Variants in ANKS1B observed in about 807,000 individuals in gnomAD.
The protein encoded by ANKS1B is ankyrin repeat and sterile alpha motif domain containing 1B, also known as ankyrin repeat and sterile alpha motif domain-containing protein 1B.
Under a neutral mutation model 148.3 loss-of-function variants are expected in ANKS1B, and 36 were observed. That is an observed-to-expected ratio of 0.24 (90% CI 0.19 to 0.32). The LOEUF (loss-of-function observed/expected upper bound fraction) is 0.32, where lower values mean the gene tolerates loss of function less well. ANKS1B is among the 10% of genes least tolerant of loss of function. ANKS1B has a pLI of 1.00. For synonymous variants in ANKS1B, 542 were observed against 560.8 expected (o/e 0.97, Z 0.47); for missense variants, 1,157 against 1,542.6 (o/e 0.75, Z 4.19).
intron 8 of ANKS1B, among the ~76,000 whole-genome samples, chr12:99,743,039 A>G (rs972606441): frequency 5.3e-5 from 8 of 152,196 alleles, no homozygotes; most frequent in Non-Finnish European, 8.8e-5. Flanking sequence ...TCATGATATT[A>G]TATCAGCTAC....
chr12:99,492,528 A>G lies in ANKS1B; in HGVS notation c.1438+11948T>C, dbSNP rs139361778. Among the ~76,000 whole-genome samples, 454 of 152,172 alleles carry G rather than the reference A, an allele frequency of 3.0e-3. 3 individuals are homozygous for G. The highest frequency in any genetic ancestry group is 0.011 in the African/African-American group (444 of 41,522). On this transcript the variant is annotated intron_variant, in intron 10 of 26. Transcript: ENST00000683438. Reference sequence around the variant, plus strand: ...AACTATTTCAAAAAATTGATAAGGGACTCCTTGCGACCTCATCCTATGAGG... The same window carrying G: ...AACTATTTCAAAAAATTGATAAGGGGCTCCTTGCGACCTCATCCTATGAGG...
intron 10 of ANKS1B, among the ~76,000 whole-genome samples, chr12:99,450,573 A>G (rs1437658186): frequency 6.6e-6 from 1 of 152,160 alleles, no homozygotes; most frequent in African/African-American, 2.4e-5. Flanking sequence ...GACAGTGGAT[A>G]ATTAAGTACT....
At chr12:99,964,719 C>A (rs555504620) in intron 1 of ANKS1B, among the ~76,000 whole-genome samples, 1 of 152,288 alleles carries the variant, frequency 6.6e-6, no homozygotes, top group South Asian at 2.1e-4. Context: ...GCAAGGGTGA[C>A]CTAGTGCAGG....
chr12:99,520,363 T>A (rs921873021), intron 9 of ANKS1B, among the ~76,000 whole-genome samples: 2 of 152,242 alleles, frequency 1.3e-5, no homozygotes, highest in Non-Finnish European at 2.9e-5. Context: ...GGGTAAAAGT[T>A]TTTTTCCTTC....
At chr12:98,840,293 A>G (rs967157811) in intron 17 of ANKS1B, among the ~76,000 whole-genome samples, 1 of 152,154 alleles carries the variant, frequency 6.6e-6, no homozygotes, top group Non-Finnish European at 1.5e-5. Flanking sequence ...CTGCCACTTC[A>G]TCTAAAAAAA....
chr12:99,849,285 A>G (rs945538458), intron 1 of ANKS1B, among the ~76,000 whole-genome samples: 1 of 152,118 alleles, frequency 6.6e-6, no homozygotes, highest in Admixed American at 6.6e-5. Context: ...ATATGTATAT[A>G]CACATATACA....
At chr12:99,272,222 A>C (rs955026358) in intron 12 of ANKS1B, among the ~76,000 whole-genome samples, 8 of 152,174 alleles carry the variant, frequency 5.3e-5, no homozygotes, top group African/African-American at 1.4e-4. Context: ...ATTGCTATAA[A>C]AGAAGGGAAC....
chr12:98,859,475 A>G (rs2099587984), intron 17 of ANKS1B, among the ~76,000 whole-genome samples: 2 of 152,242 alleles, frequency 1.3e-5, no homozygotes, highest in African/African-American at 4.8e-5. Flanking sequence ...CAAATAAGCC[A>G]TTATGAACAG....
intron 17 of ANKS1B, among the ~76,000 whole-genome samples, chr12:98,844,232 G>A (rs952207330): frequency 2.6e-5 from 4 of 152,194 alleles, no homozygotes; most frequent in Non-Finnish European, 4.4e-5. Flanking sequence ...AAATGATGGA[G>A]CTAAGAAACA....
chr12:99,179,549 C>T (rs2153848890), intron 14 of ANKS1B, among the ~76,000 whole-genome samples: 1 of 151,890 alleles, frequency 6.6e-6, no homozygotes, highest in East Asian at 1.9e-4. Context: ...ATTCTCTTTC[C>T]TGCCATCCTT....
chr12:98,861,417 G>A (rs1193653518), intron 17 of ANKS1B, among the ~76,000 whole-genome samples: 1 of 152,178 alleles, frequency 6.6e-6, no homozygotes, highest in Non-Finnish European at 1.5e-5. Flanking sequence ...CACCCTTATT[G>A]TTCTAATGGC....
intron 8 of ANKS1B, among the ~76,000 whole-genome samples, chr12:99,664,043 T>G (rs2098492328): frequency 6.6e-6 from 1 of 152,148 alleles, no homozygotes; most frequent in African/African-American, 2.4e-5. Flanking sequence ...TTAATACTGT[T>G]TATTATTTCA....
At chr12:99,172,748 AAAT>A (rs145969696) in intron 14 of ANKS1B, among the ~76,000 whole-genome samples, 18,126 of 152,100 alleles carry the variant, frequency 0.12, 1,286 homozygotes, top group South Asian at 0.24. Context: ...AAGTGATGAA[AAAT>A]AATAACAATT....
chr12:99,595,538 G>A (rs1161312006), intron 9 of ANKS1B, among the ~76,000 whole-genome samples: 1 of 151,820 alleles, frequency 6.6e-6, no homozygotes, highest in East Asian at 1.9e-4. Context: ...ATTAGTATTA[G>A]TATGTATCAA....
intron 17 of ANKS1B, among the ~76,000 whole-genome samples, chr12:99,032,012 A>G (rs79695936): frequency 0.017 from 2,516 of 152,296 alleles, 64 homozygotes; most frequent in African/African-American, 0.057. Context: ...CTTTATGCCT[A>G]CTGTCAGGCA....
At position 99,984,401 on chromosome 12, in the gene ANKS1B, C is replaced by T. The variant is rs982996222; in HGVS notation, c.-164G>A. ...AGCCCCAGGCAGGGAGCACGACTCT[C>T]TCCTCCTCTTCGGGGCGCAGCTTTT... On this transcript the variant is annotated 5_prime_UTR_variant, in exon 1 of 27. Transcript: ENST00000683438. The T allele has an allele frequency of 3.6e-6, 2 of 558,156 alleles. No individual in the cohort carries two copies. The highest frequency in any genetic ancestry group is 3.8e-5 in the African/African-American group (2 of 53,156). 34.6% of individuals were successfully genotyped at this position (558,156 alleles called of 1,614,324 possible). A position where few individuals can be genotyped will look rare whatever the true frequency, so the allele number is the denominator to read the frequency against.
chr12:99,840,024 C>G (rs907403779), intron 1 of ANKS1B, among the ~76,000 whole-genome samples: 2 of 152,120 alleles, frequency 1.3e-5, no homozygotes, highest in African/African-American at 2.4e-5. Context: ...ACTGACAACA[C>G]AGCAGTTGGA....
intron 8 of ANKS1B, among the ~76,000 whole-genome samples, chr12:99,768,763 T>C (rs1601764510): frequency 6.8e-6 from 1 of 147,050 alleles, no homozygotes; most frequent in African/African-American, 2.5e-5. Flanking sequence ...GAGGCGGAGG[T>C]TGCAGTGAGC....
chr12:99,884,329 T>G (rs1374685557), intron 1 of ANKS1B, among the ~76,000 whole-genome samples: 6 of 152,144 alleles, frequency 3.9e-5, no homozygotes, highest in Non-Finnish European at 4.4e-5. Flanking sequence ...TACAGCCACT[T>G]TGGAAAAGTT....
Sources: gnomAD v4.1 joint callset for allele counts (sites outside exome capture counted in the v4.1 genomes callset) on GRCh38, gnomAD v4.1.1 for gene constraint, MANE v1.5 for transcripts, NCBI Gene and HGNC (gene_info 2026-07-23, HGNC 2026-07-21) for gene names.